SUCLG2: variants seen among roughly 807,000 people sequenced by gnomAD.
SUCLG2 encodes succinate--CoA ligase [GDP-forming] subunit beta, mitochondrial.
Under a neutral mutation model 47.9 loss-of-function variants are expected in SUCLG2, and 42 were observed. The ratio of observed to expected loss-of-function variants is 0.88; its 90% CI spans 0.69 to 1.14. The LOEUF (loss-of-function observed/expected upper bound fraction) is 1.14. Among genes scored for constraint, SUCLG2 ranks in the 50% most tolerant of loss-of-function variants. SUCLG2 has a pLI of 0.00. For missense variants in SUCLG2, 571 were observed against 525.9 expected (o/e 1.09, Z -0.84); for synonymous variants, 195 against 197.3 (o/e 0.99, Z 0.10).
intron 1 of SUCLG2, among the ~76,000 whole-genome samples, chr3:67,611,293 A>G (rs1157050487): frequency 6.6e-6 from 1 of 152,228 alleles, no homozygotes; most frequent in Non-Finnish European, 1.5e-5. Context: ...TTAGAAATAA[A>G]TAATACTGGG....
intron 9 of SUCLG2, among the ~76,000 whole-genome samples, chr3:67,488,857 A>G (rs1705131390): frequency 6.6e-6 from 1 of 152,216 alleles, no homozygotes; most frequent in Non-Finnish European, 1.5e-5. Context: ...AAAGGCATCT[A>G]CACAGAGGAC....
intron 10 of SUCLG2, among the ~76,000 whole-genome samples, chr3:67,379,606 C>T (rs1169187379): frequency 6.6e-6 from 1 of 152,184 alleles, no homozygotes; most frequent in African/African-American, 2.4e-5. Flanking sequence ...CTTTTGCACC[C>T]AACTTAGCAC....
At chr3:67,360,718 C>T in exon 11 of SUCLG2, 2 of 1,532,496 alleles carry the variant, frequency 1.3e-6, no homozygotes, top group Non-Finnish European at 1.7e-6. Flanking sequence ...TTTGAATTTC[C>T]TGTTTCTTGT....
At chr3:67,650,382 T>C (rs1170168697) in intron 1 of SUCLG2, among the ~76,000 whole-genome samples, 2 of 152,214 alleles carry the variant, frequency 1.3e-5, no homozygotes, top group Non-Finnish European at 2.9e-5. Context: ...TTTAAGCAGT[T>C]TCTTTGACAA....
intron 10 of SUCLG2, among the ~76,000 whole-genome samples, chr3:67,362,019 A>G (rs1221690051): frequency 6.6e-6 from 1 of 152,138 alleles, no homozygotes; most frequent in African/African-American, 2.4e-5. Flanking sequence ...GAATAAGCCA[A>G]ACCAACAGGA....
At chr3:67,519,076 C>A (rs945956408) in intron 5 of SUCLG2, among the ~76,000 whole-genome samples, 2 of 151,928 alleles carry the variant, frequency 1.3e-5, no homozygotes, top group Non-Finnish European at 2.9e-5. Flanking sequence ...AAAAAAAAAT[C>A]AATTCCCAGC....
chr3:67,454,365 T>C (rs1559532542), intron 9 of SUCLG2, among the ~76,000 whole-genome samples: 1 of 151,378 alleles, frequency 6.6e-6, no homozygotes, highest in Non-Finnish European at 1.5e-5. Flanking sequence ...TACAAGGCAA[T>C]ACTTTTTTAC....
chr3:67,446,467 G>A (rs1306793250), intron 9 of SUCLG2, among the ~76,000 whole-genome samples: 2 of 110,562 alleles, frequency 1.8e-5, no homozygotes, highest in Non-Finnish European at 3.3e-5. Context: ...GTCTCGCTCT[G>A]TCACTCAGGC....
At chr3:67,467,230 TC>T in intron 9 of SUCLG2, among the ~76,000 whole-genome samples, 1 of 152,312 alleles carries the variant, frequency 6.6e-6, no homozygotes, top group East Asian at 1.9e-4. Flanking sequence ...ATAACTATCC[TC>T]CGAAATCTTT....
intron 9 of SUCLG2, among the ~76,000 whole-genome samples, chr3:67,404,044 C>T (rs1702749211): frequency 6.6e-6 from 1 of 152,268 alleles, no homozygotes; most frequent in African/African-American, 2.4e-5. Flanking sequence ...TGCCACCACA[C>T]CTGACTAGTT....
At chr3:67,493,464 G>C (rs1705254008) in intron 9 of SUCLG2, among the ~76,000 whole-genome samples, 1 of 152,126 alleles carries the variant, frequency 6.6e-6, no homozygotes, top group Non-Finnish European at 1.5e-5. Flanking sequence ...TCAAAATTTT[G>C]GAAGAGAGTG....
chr3:67,420,805 G>A (rs1203020592), intron 9 of SUCLG2, among the ~76,000 whole-genome samples: 1 of 152,140 alleles, frequency 6.6e-6, no homozygotes, highest in Non-Finnish European at 1.5e-5. Context: ...GTGTGTGTGG[G>A]TATTTATCTT....
chr3:67,627,061 C>A (rs1700845232), intron 1 of SUCLG2, among the ~76,000 whole-genome samples: 1 of 151,558 alleles, frequency 6.6e-6, no homozygotes. Context: ...AGACTATAAC[C>A]AGAAGACAAA....
chr3:67,617,089 G>A (rs1309564520), intron 1 of SUCLG2, among the ~76,000 whole-genome samples: 1 of 152,138 alleles, frequency 6.6e-6, no homozygotes, highest in Non-Finnish European at 1.5e-5. Flanking sequence ...TAGGAAATAT[G>A]AGGCCTCAAA....
chr3:67,420,750 C>T (rs764018120), intron 9 of SUCLG2, among the ~76,000 whole-genome samples: 7 of 152,062 alleles, frequency 4.6e-5, no homozygotes, highest in Non-Finnish European at 8.8e-5. Context: ...AATAGATACA[C>T]ACACACAAAG....
At chr3:67,604,207 T>C (rs956384578) in intron 2 of SUCLG2, among the ~76,000 whole-genome samples, 1 of 152,190 alleles carries the variant, frequency 6.6e-6, no homozygotes, top group African/African-American at 2.4e-5. Flanking sequence ...TAACAAGCTT[T>C]CCATAACTAC....
intron 2 of SUCLG2, among the ~76,000 whole-genome samples, chr3:67,561,386 C>A (rs184061637): frequency 4.0e-4 from 61 of 152,196 alleles, no homozygotes; most frequent in Admixed American, 2.1e-3. Flanking sequence ...ACACTGCCAA[C>A]ATTAAGACAT....
intron 9 of SUCLG2, among the ~76,000 whole-genome samples, chr3:67,417,398 A>T (rs1703061460): frequency 6.6e-6 from 1 of 152,252 alleles, no homozygotes; most frequent in South Asian, 2.1e-4. Flanking sequence ...TTCTTCCCTT[A>T]AACAACTGTA....
intron 10 of SUCLG2, among the ~76,000 whole-genome samples, chr3:67,376,670 G>C (rs11705924): frequency 0.083 from 12,617 of 152,218 alleles, 662 homozygotes; most frequent in Middle Eastern, 0.14. Context: ...CAGATAAAAA[G>C]AGGCACTGGG....
Sources: allele counts gnomAD v4.1 joint callset (sites outside exome capture counted in the v4.1 genomes callset), GRCh38; gene constraint gnomAD v4.1.1; transcripts MANE v1.5; gene names NCBI Gene and HGNC (gene_info 2026-07-23, HGNC 2026-07-21).